Variants in SLC17A2 observed in about 807,000 individuals in gnomAD.
SLC17A2 encodes the protein sodium-dependent phosphate transport protein 3.
Under a neutral mutation model 52.1 loss-of-function variants are expected in SLC17A2, and 38 were observed. The ratio of observed to expected loss-of-function variants is 0.73; its 90% confidence interval spans 0.56 to 0.96. SLC17A2 has a LOEUF of 0.96. Among genes scored for constraint, SLC17A2 ranks in the 40% least tolerant of loss-of-function variants. SLC17A2 has a pLI of 0.00. For synonymous variants in SLC17A2, 226 were observed against 211.9 expected, an observed-to-expected ratio of 1.07 and a Z score of -0.58; for missense variants, 508 against 583.9, an observed-to-expected ratio of 0.87 and a Z score of 1.34.
Position 25,921,412 on chromosome 6 carries a change from C to T in SLC17A2, c.241G>A (p.Ala81Thr), listed in dbSNP as rs1766556465. 1 of 1,604,362 alleles carries T rather than the reference C, an allele frequency of 6.2e-7. No homozygotes were observed. The highest frequency in any genetic ancestry group is 8.5e-7 in the Non-Finnish European group (1 of 1,172,530). Residue 81 changes from alanine (A) to threonine (T), a missense_variant and splice_region_variant, in exon 4 of 12, where the codon GCC becomes ACC. Physicochemically the swap from Ala to Thr is moderately conservative, Grantham distance 58. Transcript: ENST00000377850. Reference sequence around the variant, plus strand: ...TCTGGGCTCCATTGATACACAGAGGCCTGGGGGAAAAATAGGAAAACTCTT... The same window carrying T: ...TCTGGGCTCCATTGATACACAGAGGTCTGGGGGAAAAATAGGAAAACTCTT... ...SISIKEFDTKASVYQWSPETQ... is the reference protein window; with the variant it reads ...SISIKEFDTKTSVYQWSPETQ...
At chr6:25,915,161 A>G (rs1188034728) in intron 10 of SLC17A2, among the ~76,000 whole-genome samples, 2 of 117,272 alleles carry the variant, frequency 1.7e-5, no homozygotes, top group Admixed American at 8.3e-5. Context: ...ATATATATAT[A>G]TATATATATA....
At chr6:25,922,795 A>T (rs1766605810) in intron 3 of SLC17A2, among the ~76,000 whole-genome samples, 1 of 152,214 alleles carries the variant, frequency 6.6e-6, no homozygotes, top group South Asian at 2.1e-4. Flanking sequence ...ATTTTATTTA[A>T]CTCATTGATT....
intron 2 of SLC17A2, 43 bp downstream of exon 2, chr6:25,925,726 T>G: frequency 1.9e-6 from 3 of 1,561,320 alleles, no homozygotes; most frequent in Non-Finnish European, 2.7e-6. Flanking sequence ...GGAATAAGCT[T>G]CAGCTTATTA....
chr6:25,925,195 G>A (rs1476703186), intron 2 of SLC17A2, among the ~76,000 whole-genome samples: 1 of 152,064 alleles, frequency 6.6e-6, no homozygotes, highest in Non-Finnish European at 1.5e-5. Flanking sequence ...ATTATAGTAG[G>A]GATTCATACA....
At chr6:25,917,468 T>A (rs535954666) in intron 6 of SLC17A2, among the ~76,000 whole-genome samples, 3 of 152,352 alleles carry the variant, frequency 2.0e-5, no homozygotes, top group Non-Finnish European at 4.4e-5. Flanking sequence ...TTTGCAGTCA[T>A]ACATACACGA....
At chr6:25,914,519 T>G (rs1210144655) in intron 11 of SLC17A2, 61 bp downstream of exon 11, 1 of 1,033,154 alleles carries the variant, frequency 9.7e-7, no homozygotes. Context: ...GAGCACCGTG[T>G]GTATCTCCAA....
In SLC17A2 at chr6:25,918,480, G is replaced by C; in HGVS notation, c.649+7C>G. ...GAGGCGTTAGGATTTAAGAGAAAGT[G>C]ACTCACCAAAGATGTAGAAGATAAA... is the stretch of plus-strand genomic sequence containing the variant. On this transcript the variant is annotated splice_region_variant and intron_variant, in intron 6 of 11. Transcript: ENST00000377850. The C allele has an allele frequency of 1.3e-6, 2 of 1,599,074 alleles. No individual in the cohort carries two copies. Among genetic ancestry groups the C allele is most frequent in the Non-Finnish European group, 1.7e-6 (2 of 1,166,552 alleles).
Position 25,918,570 on chromosome 6 carries a change from G to T in SLC17A2, c.566C>A (p.Ser189Ter). ...SKLTTIAGSGSAFGSFIILCV... is the reference protein window; with the variant it reads ...SKLTTIAGSG ...GAGGATGATGAAGGATCCAAATGCT[G>T]ACCCTAAAGGAAAAAGGGAGAAAAA... The change falls in exon 6 of 12, where the codon TCA (serine) becomes TAA (stop). Residue 189 changes from serine (S) to a stop codon, truncating the protein, a stop_gained. Coordinates refer to ENST00000377850, the MANE Select transcript of SLC17A2 (RefSeq NM_001286123.3). LOFTEE classifies it high-confidence loss of function. 1 of 1,609,166 alleles carries T rather than the reference G, an allele frequency of 6.2e-7. No homozygotes were observed. The highest frequency in any genetic ancestry group is 8.5e-7 in the Non-Finnish European group (1 of 1,175,662).
chr6:25,914,327 G>A (rs1241926989), intron 11 of SLC17A2, among the ~76,000 whole-genome samples: 2 of 152,152 alleles, frequency 1.3e-5, no homozygotes, highest in African/African-American at 4.8e-5. Context: ...TCATGCTCAT[G>A]TACCTCTAGG....
intron 6 of SLC17A2, 26 bp downstream of exon 6, chr6:25,918,461 T>C (rs1561876653): frequency 1.3e-6 from 2 of 1,541,044 alleles, no homozygotes; most frequent in Non-Finnish European, 1.8e-6. Context: ...AATGGAGGCG[T>C]TAGGATTTAA....
In SLC17A2 at chr6:25,916,836, G is replaced by A. The variant is rs201626354; in HGVS notation, c.779C>T (p.Pro260Leu). 7.4e-6 allele frequency: 12 copies of A among 1,614,140 alleles called. No individual in the cohort carries two copies. The African/African-American group carries it at 8.0e-5, about 11-fold the overall frequency. Residue 260 changes from proline (P) to leucine (L), a missense_variant, in exon 8 of 12, where the codon CCT becomes CTT. Physicochemically the swap from Pro to Leu is moderately conservative, Grantham distance 98. Coordinates refer to ENST00000377850, the MANE Select transcript of SLC17A2 (RefSeq NM_001286123.3). ...CGCCTTTATGGGGACAGCTCGTCCA[G>A]GAGAACTGGGCTGAAAAGAAAGATC... ...LSSLAQQPSS[P>L]GRAVPIKAMV... is the part of the protein sequence containing the mutation.
In SLC17A2 at chr6:25,921,036, G is replaced by T. The variant is rs567898968; in HGVS notation, c.532C>A (p.Arg178=). The T allele has an allele frequency of 1.9e-6, 3 of 1,614,196 alleles. No individual in the cohort carries two copies. The highest frequency in any genetic ancestry group is 2.5e-6 in the Non-Finnish European group (3 of 1,180,034). ...IWAKWAPPLE[R]SKLTTIAGSG... ...CCTGCAATGGTGGTGAGCTTGCTTCGTTCAAGTGGAGGAGCCCACTTTGCC... is the reference window on the plus strand; with the variant it reads ...CCTGCAATGGTGGTGAGCTTGCTTCTTTCAAGTGGAGGAGCCCACTTTGCC... The change falls in exon 5 of 12, where the codon CGA becomes AGA. Residue 178 remains arginine, a synonymous_variant. Transcript: ENST00000377850.
In SLC17A2 at chr6:25,913,303, G is replaced by T. The variant is rs907766620; in HGVS notation, c.*14C>A. ...CATGCTCAGTACCACATTTAAGTTT[G>T]TAACTTTATGTCCTCAGAGGCGGGT... On this transcript the variant is annotated 3_prime_UTR_variant, in exon 12 of 12. Coordinates refer to ENST00000377850, the MANE Select transcript of SLC17A2 (RefSeq NM_001286123.3). 28 of 1,614,066 alleles carry T rather than the reference G, an allele frequency of 1.7e-5. No homozygotes were observed. In the Admixed American group the frequency reaches 3.7e-4, roughly 21 times the overall value.
chr6:25,917,755 T>C (rs1766383305), intron 6 of SLC17A2, among the ~76,000 whole-genome samples: 1 of 152,238 alleles, frequency 6.6e-6, no homozygotes, highest in Non-Finnish European at 1.5e-5. Context: ...AAGAACATTC[T>C]ATGTTAAAAG....
chr6:25,917,752 T>C (rs1411163508), intron 6 of SLC17A2, among the ~76,000 whole-genome samples: 1 of 152,232 alleles, frequency 6.6e-6, no homozygotes, highest in Non-Finnish European at 1.5e-5. Flanking sequence ...TTGAAGAACA[T>C]TCTATGTTAA....
chr6:25,929,348 G>A (rs1467819694), intron 1 of SLC17A2, among the ~76,000 whole-genome samples: 2 of 152,128 alleles, frequency 1.3e-5, no homozygotes, highest in Admixed American at 1.3e-4. Flanking sequence ...GACATGCCTC[G>A]TAAATTGCAA....
chr6:25,923,054 G>T (rs1766616553), intron 3 of SLC17A2, among the ~76,000 whole-genome samples: 1 of 152,078 alleles, frequency 6.6e-6, no homozygotes, highest in South Asian at 2.1e-4. Context: ...AGCCGCGGTG[G>T]CATGCCCCCT....
chr6:25,915,262 T>G (rs1766265143), intron 10 of SLC17A2, among the ~76,000 whole-genome samples: 1 of 149,392 alleles, frequency 6.7e-6, no homozygotes, highest in Admixed American at 6.7e-5. Context: ...GTTCAATCTC[T>G]GTTAGGGAAG....
intron 1 of SLC17A2, 84 bp from the exon 2 acceptor site, chr6:25,925,963 T>G (rs1409769905): frequency 1.5e-5 from 11 of 743,200 alleles, no homozygotes; most frequent in Non-Finnish European, 2.4e-6. Flanking sequence ...CAGTAAAAGT[T>G]TTGACCCAAC....
Sources: allele counts gnomAD v4.1 joint callset (sites outside exome capture counted in the v4.1 genomes callset), GRCh38; gene constraint gnomAD v4.1.1; transcripts MANE v1.5; gene names NCBI Gene and HGNC (gene_info 2026-07-23, HGNC 2026-07-21).